Variants in IMPG1 observed in about 807,000 individuals in gnomAD.
The protein encoded by IMPG1 is interphotoreceptor matrix proteoglycan of 150 kDa.
In IMPG1, 85 loss-of-function variants were observed where a neutral mutation model predicts 92.0. That is an observed-to-expected ratio of 0.92 (90% CI 0.78 to 1.11). The LOEUF is 1.11. Ranked by LOEUF, IMPG1 falls within the 50% of genes least tolerant of loss-of-function variation. IMPG1 has a pLI of 0.00. For synonymous variants in IMPG1, 367 were observed against 334.1 expected (o/e 1.10, Z -1.08); for missense variants, 1,022 against 956.0 (o/e 1.07, Z -0.91).
At chr6:76,046,941 T>C (rs1783954560) in intron 1 of IMPG1, among the ~76,000 whole-genome samples, 1 of 152,174 alleles carries the variant, frequency 6.6e-6, no homozygotes, top group African/African-American at 2.4e-5. Context: ...TGAAAACCTG[T>C]ACCTACAAAA....
At chr6:76,064,537 TG>T (rs1248924010) in intron 1 of IMPG1, among the ~76,000 whole-genome samples, 6 of 151,998 alleles carry the variant, frequency 3.9e-5, no homozygotes, top group African/African-American at 1.4e-4. Context: ...CTCTCCTCAC[TG>T]GGGAGACCTC....
At chr6:75,970,955 A>G (rs1484054127) in intron 12 of IMPG1, among the ~76,000 whole-genome samples, 1 of 152,110 alleles carries the variant, frequency 6.6e-6, no homozygotes, top group Non-Finnish European at 1.5e-5. Context: ...TGACCCAGCA[A>G]TCCCATTACT....
chr6:76,013,465 C>A (rs551324561), intron 7 of IMPG1, among the ~76,000 whole-genome samples: 131 of 152,256 alleles, frequency 8.6e-4, no homozygotes, highest in African/African-American at 3.0e-3. Flanking sequence ...CCACACTGCA[C>A]CCATTTTCAA....
At position 76,005,521 on chromosome 6, in the gene IMPG1, C is replaced by G; in HGVS notation, c.901G>C (p.Glu301Gln). Reference protein sequence around the residue: ...KKEKDGSSSTEMQLTAIFKRH... With the variant: ...KKEKDGSSSTQMQLTAIFKRH... ...TTAAAGATGGCCGTAAGTTGCATCT[C>G]TGTGGAGCTTGAGCTGTAGATAGCA... is the stretch of plus-strand genomic sequence containing the variant. The change falls in exon 10 of 17, where the codon GAG becomes CAG. Residue 301 changes from glutamate to glutamine, a missense_variant. Glu to Gln is a conservative substitution (Grantham distance 29, BLOSUM62 2). This residue lies in a region of IMPG1 where 681 missense variants were observed against 583.6 expected (regional missense o/e 1.17). Coordinates refer to ENST00000369950, the MANE Select transcript of IMPG1 (RefSeq NM_001563.4). 6.2e-7 allele frequency: 1 copy of G among 1,613,924 alleles called. No homozygotes were observed. Among genetic ancestry groups the G allele is most frequent in the East Asian group, 2.2e-5 (1 of 44,868 alleles).
chr6:75,961,991 CT>C (rs35358955), intron 12 of IMPG1, among the ~76,000 whole-genome samples: 36,586 of 152,072 alleles, frequency 0.24, 4,458 homozygotes, highest in Admixed American at 0.3. Flanking sequence ...GTAAAGGGGA[CT>C]TTGAAATACA....
At chr6:76,018,036 G>A (rs1783323896) in intron 7 of IMPG1, among the ~76,000 whole-genome samples, 2 of 152,116 alleles carry the variant, frequency 1.3e-5, no homozygotes, top group South Asian at 4.1e-4. Flanking sequence ...AGCCACCGCG[G>A]TTGGCAAAAC....
intron 15 of IMPG1, among the ~76,000 whole-genome samples, chr6:75,927,852 T>C (rs9352246): frequency 0.94 from 142,384 of 151,558 alleles, 67,460 homozygotes; most frequent in East Asian, 1. Flanking sequence ...CGTCAATTTT[T>C]CAATGTATTT....
At chr6:75,926,460 G>C (rs1283331734) in intron 15 of IMPG1, among the ~76,000 whole-genome samples, 1 of 152,252 alleles carries the variant, frequency 6.6e-6, no homozygotes, top group East Asian at 1.9e-4. Flanking sequence ...CTTTGCTGCG[G>C]TTACAACAAG....
chr6:75,976,683 G>A (rs538505995), intron 12 of IMPG1, among the ~76,000 whole-genome samples: 1 of 152,080 alleles, frequency 6.6e-6, no homozygotes, highest in Non-Finnish European at 1.5e-5. Flanking sequence ...AGGCTGAGGC[G>A]GGCGGATCAC....
At chr6:75,979,069 T>C (rs1377724469) in intron 12 of IMPG1, among the ~76,000 whole-genome samples, 1 of 152,064 alleles carries the variant, frequency 6.6e-6, no homozygotes, top group Non-Finnish European at 1.5e-5. Context: ...TGTGCCACCA[T>C]ACCTACCTAT....
At chr6:76,005,253 G>A (rs1243058381) in intron 10 of IMPG1, 34 bp downstream of exon 10, 3 of 1,602,748 alleles carry the variant, frequency 1.9e-6, no homozygotes, top group East Asian at 4.5e-5. Context: ...GCCAAAATGA[G>A]AATAAACTCA....
chr6:75,930,611 C>T (rs1485179184), intron 15 of IMPG1, among the ~76,000 whole-genome samples: 1 of 152,070 alleles, frequency 6.6e-6, no homozygotes, highest in Non-Finnish European at 1.5e-5. Flanking sequence ...GGTAGTAGAC[C>T]AAGTATTCAG....
intron 10 of IMPG1, 147 bp from the exon 11 acceptor site, chr6:76,004,097 A>T (rs1219553966): frequency 1.6e-6 from 1 of 610,570 alleles, no homozygotes; most frequent in African/African-American, 1.9e-5. Context: ...AGGCATAGAA[A>T]AAAGGTCATT....
rs967273246 is a variant in IMPG1, at chr6:76,039,504, C to T, written c.301+2389G>A. Among the ~76,000 whole-genome samples the T allele has an allele frequency of 3.3e-5, 5 of 151,990 alleles. No individual in the cohort carries two copies. The East Asian group carries it at 5.8e-4, about 18-fold the overall frequency. ...CTGAGTTGCTGGGATTACAGGCGTG[C>T]GCCACCATGCCCAGCTAATTTTTGT... On this transcript the variant is annotated intron_variant, in intron 2 of 16. Coordinates refer to ENST00000369950, the MANE Select transcript of IMPG1 (RefSeq NM_001563.4).
At chr6:75,962,408 C>A (rs538715433) in intron 12 of IMPG1, among the ~76,000 whole-genome samples, 1 of 152,152 alleles carries the variant, frequency 6.6e-6, no homozygotes, top group African/African-American at 2.4e-5. Flanking sequence ...AGACATGACC[C>A]ATCATGTCCA....
At chr6:76,029,223 G>T (rs752372554) in intron 4 of IMPG1, among the ~76,000 whole-genome samples, 5 of 152,196 alleles carry the variant, frequency 3.3e-5, no homozygotes, top group Non-Finnish European at 5.9e-5. Flanking sequence ...AAGAGGAGGG[G>T]ATCACCCAAC....
intron 12 of IMPG1, among the ~76,000 whole-genome samples, chr6:75,964,109 C>T (rs556956077): frequency 6.6e-6 from 1 of 152,184 alleles, no homozygotes; most frequent in African/African-American, 2.4e-5. Flanking sequence ...ACTTTAATGC[C>T]CAGGGCTGTA....
At chr6:75,968,225 A>G (rs141342683) in intron 12 of IMPG1, among the ~76,000 whole-genome samples, 3 of 152,178 alleles carry the variant, frequency 2.0e-5, no homozygotes, top group African/African-American at 7.2e-5. Context: ...AATTCTATCT[A>G]CTGTTAAAAT....
chr6:76,049,159 C>T (rs1207825104), intron 1 of IMPG1, among the ~76,000 whole-genome samples: 1 of 152,080 alleles, frequency 6.6e-6, no homozygotes, highest in Non-Finnish European at 1.5e-5. Flanking sequence ...CATGGATACA[C>T]AGAGGGGAAC....
Sources: allele counts gnomAD v4.1 joint callset (sites outside exome capture counted in the v4.1 genomes callset), GRCh38; gene constraint gnomAD v4.1.1; regional missense constraint gnomAD v4.1.1; transcripts MANE v1.5; gene names NCBI Gene and HGNC (gene_info 2026-07-23, HGNC 2026-07-21).